The following MBNL2 variants were observed in gnomAD, a reference collection of about 807,000 sequenced individuals.
The protein encoded by MBNL2 is muscleblind-like protein 2.
In MBNL2, 17 loss-of-function variants were observed where a neutral mutation model predicts 41.9. The ratio of observed to expected loss-of-function variants is 0.41; its 90% CI spans 0.28 to 0.61. The LOEUF is 0.61. Ranked by LOEUF, MBNL2 falls within the 20% of genes least tolerant of loss-of-function variation. MBNL2 has a pLI of 0.35. For missense variants in MBNL2, 336 were observed against 505.6 expected (o/e 0.66, Z 3.22); for synonymous variants, 195 against 182.9 (o/e 1.07, Z -0.53).
chr13:97,367,526 GCAGTCCCAACCCGCATTC>G (rs2063953596), intron 8 of MBNL2, among the ~76,000 whole-genome samples: 1 of 152,180 alleles, frequency 6.6e-6, no homozygotes, highest in African/African-American at 2.4e-5. Flanking sequence ...GGGGATCACG[GCAGTCCCAACCCGCATTC>G]TGCAGGCTGG....
chr13:97,184,023 G>T, the MBNL2 span, among the ~76,000 whole-genome samples: 6 of 152,174 alleles, frequency 3.9e-5, no homozygotes, highest in African/African-American at 1.4e-4. Flanking sequence ...TTCAGAGATG[G>T]ATATAAAGTA....
chr13:97,172,519 A>G, the MBNL2 span: 2 of 152,304 alleles, frequency 1.3e-5, no homozygotes, highest in East Asian at 3.9e-4. Context: ...ATCTAATCCT[A>G]GAAGAGACTG....
intron 1 of MBNL2, among the ~76,000 whole-genome samples, chr13:97,246,613 A>T (rs1438131502): frequency 1.3e-5 from 2 of 152,174 alleles, no homozygotes; most frequent in African/African-American, 4.8e-5. Flanking sequence ...TAAAATTCTC[A>T]GTCTCTGTCT....
chr13:97,272,578 T>C (rs1441378742), intron 1 of MBNL2, among the ~76,000 whole-genome samples: 1 of 152,176 alleles, frequency 6.6e-6, no homozygotes, highest in East Asian at 1.9e-4. Flanking sequence ...ATGGTTTGGG[T>C]TTTAAATTTA....
chr13:97,329,219 G>T (rs2060164839), intron 2 of MBNL2, among the ~76,000 whole-genome samples: 2 of 152,050 alleles, frequency 1.3e-5, no homozygotes, highest in Non-Finnish European at 2.9e-5. Context: ...AATATTCCTG[G>T]AGTACAGATT....
At chr13:97,361,953 C>T (rs944362933) in intron 7 of MBNL2, among the ~76,000 whole-genome samples, 7 of 150,990 alleles carry the variant, frequency 4.6e-5, no homozygotes, top group Admixed American at 1.3e-4. Context: ...TTGTATTTTT[C>T]GTAGAGACAG....
At chr13:97,218,158 C>T (rs189072119), upstream of MBNL2, among the ~76,000 whole-genome samples, 641 of 152,184 alleles carry the variant, frequency 4.2e-3, 22 homozygotes, top group Admixed American at 0.039. Context: ...CGCCTGTAAT[C>T]CCAGCACTTT....
chr13:97,277,390 G>T (rs967652575), intron 2 of MBNL2, among the ~76,000 whole-genome samples: 1 of 152,076 alleles, frequency 6.6e-6, no homozygotes, highest in Admixed American at 6.6e-5. Context: ...CTTCAGCAAG[G>T]TTACCAAACA....
At chr13:97,234,744 T>C (rs1223522235) in intron 1 of MBNL2, among the ~76,000 whole-genome samples, 1 of 152,198 alleles carries the variant, frequency 6.6e-6, no homozygotes, top group Non-Finnish European at 1.5e-5. Flanking sequence ...ACATCAACCA[T>C]TTGAATAACA....
intron 1 of MBNL2, among the ~76,000 whole-genome samples, chr13:97,250,158 C>A (rs1354781495): frequency 6.6e-6 from 1 of 152,122 alleles, no homozygotes; most frequent in South Asian, 2.1e-4. Flanking sequence ...TAGGTTGAAT[C>A]TTTGTTTTCT....
At chr13:97,291,661 G>A (rs543033744) in intron 2 of MBNL2, among the ~76,000 whole-genome samples, 38 of 152,006 alleles carry the variant, frequency 2.5e-4, no homozygotes, top group Admixed American at 7.2e-4. Flanking sequence ...TTGGGAAGCC[G>A]AGGTGGGCGG....
chr13:97,240,638 T>C (rs2044086853), intron 1 of MBNL2, among the ~76,000 whole-genome samples: 1 of 152,288 alleles, frequency 6.6e-6, no homozygotes, highest in East Asian at 1.9e-4. Context: ...TTTAGCAAAA[T>C]GCAAGAAGGC....
At chr13:97,315,670 CG>C (rs1438692509) in intron 2 of MBNL2, among the ~76,000 whole-genome samples, 8 of 152,040 alleles carry the variant, frequency 5.3e-5, no homozygotes, top group Admixed American at 5.2e-4. Flanking sequence ...AACTCATAGA[CG>C]AGGAAGGAAG....
intron 2 of MBNL2, among the ~76,000 whole-genome samples, chr13:97,285,308 G>A (rs1386671797): frequency 3.3e-5 from 5 of 152,056 alleles, no homozygotes; most frequent in African/African-American, 4.8e-5. Flanking sequence ...TCATTCATTC[G>A]TTCTCTCTTA....
At chr13:97,294,397 G>A (rs960642224) in intron 2 of MBNL2, among the ~76,000 whole-genome samples, 1 of 152,204 alleles carries the variant, frequency 6.6e-6, no homozygotes, top group Non-Finnish European at 1.5e-5. Context: ...TAAACCATGT[G>A]TACCGGTTAT....
chr13:97,276,784 C>G (rs1266633950), intron 2 of MBNL2, among the ~76,000 whole-genome samples: 1 of 149,788 alleles, frequency 6.7e-6, no homozygotes, highest in Non-Finnish European at 1.5e-5. Context: ...GTTATTCTGG[C>G]TTAGCTCTTG....
At chr13:97,153,631 T>A in the MBNL2 span, among the ~76,000 whole-genome samples, 1 of 152,140 alleles carries the variant, frequency 6.6e-6, no homozygotes, top group Admixed American at 6.6e-5. Context: ...ACAGAAAACC[T>A]TTTATAAGGC....
the MBNL2 span, among the ~76,000 whole-genome samples, chr13:97,182,956 G>A: frequency 6.6e-6 from 1 of 152,056 alleles, no homozygotes; most frequent in Non-Finnish European, 1.5e-5. Context: ...TGCTATGTTT[G>A]GAGAATAAAT....
chr13:97,201,312 A>G, the MBNL2 span, among the ~76,000 whole-genome samples: 1 of 152,218 alleles, frequency 6.6e-6, no homozygotes, highest in Admixed American at 6.5e-5. Context: ...TTCATGTCAC[A>G]TAACAAAGTA....
Sources: allele counts gnomAD v4.1 joint callset (sites outside exome capture counted in the v4.1 genomes callset), GRCh38; gene constraint gnomAD v4.1.1; transcripts MANE v1.5; gene names NCBI Gene and HGNC (gene_info 2026-07-23, HGNC 2026-07-21).